FMN1: variants seen among roughly 807,000 people sequenced by gnomAD.
FMN1 encodes the protein formin-1.
A neutral mutation model predicts 132.4 loss-of-function variants in FMN1; 110 were observed. The observed-to-expected ratio is 0.83, with a 90% CI of 0.71 to 0.97. The LOEUF is 0.97. Among genes scored for constraint, FMN1 ranks in the 50% least tolerant of loss-of-function variants. The pLI is 0.00. For synonymous variants in FMN1, 722 were observed against 651.7 expected (o/e 1.11, Z -1.64); for missense variants, 1,792 against 1,705.3 (o/e 1.05, Z -0.90).
At chr15:33,014,541 G>A (rs10519772) in intron 6 of FMN1, among the ~76,000 whole-genome samples, 46,491 of 151,844 alleles carry the variant, frequency 0.31, 7,182 homozygotes, top group Non-Finnish European at 0.34. Flanking sequence ...TATTCCACAA[G>A]AAACAAGTCT....
intron 13 of FMN1, among the ~76,000 whole-genome samples, chr15:32,900,612 G>A (rs527974837): frequency 2.0e-5 from 3 of 152,182 alleles, no homozygotes; most frequent in Non-Finnish European, 2.9e-5. Flanking sequence ...ATAATTTTCA[G>A]AGCTAAACTA....
intron 16 of FMN1, among the ~76,000 whole-genome samples, chr15:32,866,223 A>G (rs2059389447): frequency 1.6e-5 from 2 of 126,734 alleles, no homozygotes; most frequent in African/African-American, 7.6e-5. Context: ...AACTTAAAGT[A>G]TAATAAAAAA....
intron 17 of FMN1, among the ~76,000 whole-genome samples, chr15:32,840,392 A>G (rs555685675): frequency 3.9e-5 from 6 of 152,090 alleles, no homozygotes; most frequent in Non-Finnish European, 7.4e-5. Flanking sequence ...ACGCAGCTCT[A>G]TTTTTCCCTT....
At chr15:32,831,967 GT>G (rs2058513985) in intron 17 of FMN1, among the ~76,000 whole-genome samples, 1 of 152,100 alleles carries the variant, frequency 6.6e-6, no homozygotes, top group Non-Finnish European at 1.5e-5. Flanking sequence ...GTGAACTTTT[GT>G]AACTCTTTAA....
At chr15:32,815,006 G>A (rs927123153) in intron 17 of FMN1, among the ~76,000 whole-genome samples, 1 of 152,014 alleles carries the variant, frequency 6.6e-6, no homozygotes, top group African/African-American at 2.4e-5. Flanking sequence ...GCAGTGGTGC[G>A]ATCTCGGCTC....
chr15:33,078,707 A>G (rs959730628), intron 5 of FMN1, among the ~76,000 whole-genome samples: 4 of 152,134 alleles, frequency 2.6e-5, no homozygotes, highest in Non-Finnish European at 4.4e-5. Context: ...GAGTGTTCAC[A>G]AACAGTCAGT....
At chr15:33,072,922 C>CAAA (rs200705106) in intron 5 of FMN1, among the ~76,000 whole-genome samples, 1 of 87,134 alleles carries the variant, frequency 1.1e-5, no homozygotes. Flanking sequence ...GACTCCATCT[C>CAAA]AAAAAAAAAA....
chr15:33,029,856 T>C (rs999671071), intron 6 of FMN1, among the ~76,000 whole-genome samples: 1 of 152,084 alleles, frequency 6.6e-6, no homozygotes. Context: ...AACAGGAATG[T>C]TATAATTTAT....
intron 15 of FMN1, among the ~76,000 whole-genome samples, chr15:32,897,733 G>C (rs1033243097): frequency 2.0e-5 from 3 of 152,224 alleles, no homozygotes; most frequent in South Asian, 4.1e-4. Context: ...GGATGGCTTA[G>C]AGTGGTAGAA....
At chr15:32,926,041 G>T in intron 10 of FMN1, 133 bp downstream of exon 10, 1 of 563,850 alleles carries the variant, frequency 1.8e-6, no homozygotes, top group Non-Finnish European at 3.1e-6. Flanking sequence ...GTGAGTTGAT[G>T]GTTCTGTAGC....
chr15:32,970,369 T>C (rs74012409), intron 7 of FMN1, among the ~76,000 whole-genome samples: 3,388 of 152,326 alleles, frequency 0.022, 119 homozygotes, highest in African/African-American at 0.073. Context: ...AAATATTTTT[T>C]GTCAATTTAT....
chr15:33,017,978 T>C (rs1440473214), intron 6 of FMN1, among the ~76,000 whole-genome samples: 2 of 150,454 alleles, frequency 1.3e-5, no homozygotes, highest in Non-Finnish European at 2.9e-5. Flanking sequence ...GGTAGGAGAA[T>C]CACTTGAACC....
chr15:32,988,257 C>T (rs1566795893), intron 7 of FMN1, among the ~76,000 whole-genome samples: 1 of 151,924 alleles, frequency 6.6e-6, no homozygotes, highest in Admixed American at 6.6e-5. Flanking sequence ...ACCCTCAATA[C>T]AATTCTTAAC....
chr15:32,835,999 A>G lies in FMN1; in HGVS notation c.3928+21016T>C, dbSNP rs935886575. Among the ~76,000 whole-genome samples the G allele has an allele frequency of 3.1e-4, 47 of 151,922 alleles. 1 individual carries two copies. Among genetic ancestry groups the G allele is most frequent in the Non-Finnish European group, 1.0e-4 (7 of 67,966 alleles). ...CCTCAGCCTCTCTGTACCTGGGACT[A>G]CAGATGCATGCTATCATGGCCCAGC... is the stretch of plus-strand genomic sequence containing the variant. On this transcript the variant is annotated intron_variant, in intron 17 of 20. Coordinates refer to ENST00000616417, the MANE Select transcript of FMN1 (RefSeq NM_001277313.2).
At chr15:33,186,795 A>G (rs946852724) in intron 2 of FMN1, among the ~76,000 whole-genome samples, 3 of 152,270 alleles carry the variant, frequency 2.0e-5, no homozygotes, top group Admixed American at 6.5e-5. Flanking sequence ...GAGAAAGAGT[A>G]GAAAGGCCAA....
In FMN1 at chr15:32,898,851, G is replaced by A. The variant is rs761915422; in HGVS notation, c.3697C>T (p.Leu1233=). The A allele has an allele frequency of 1.2e-5, 20 of 1,600,936 alleles. No individual in the cohort carries two copies. Among genetic ancestry groups the A allele is most frequent in the East Asian group, 4.5e-5 (2 of 44,746 alleles). ...TTTCTTACCTGATCATAGTAACGCA[G>A]GTAATACTTAACAACGTAGTCCACC... ...NLVDYVVKYY[L]RYYDQEAGTE... Residue 1233 remains leucine (L), a synonymous_variant, in exon 15 of 21, where the codon CTG becomes TTG. Transcript: ENST00000616417.
chr15:33,065,277 T>A (rs2037671406), intron 5 of FMN1, among the ~76,000 whole-genome samples: 1 of 152,036 alleles, frequency 6.6e-6, no homozygotes, highest in African/African-American at 2.4e-5. Flanking sequence ...AATTTAAAAC[T>A]ACAACAACAA....
chr15:33,118,653 CATATTAA>C (rs1039514694), intron 4 of FMN1, among the ~76,000 whole-genome samples: 18 of 152,110 alleles, frequency 1.2e-4, no homozygotes, highest in African/African-American at 3.4e-4. Flanking sequence ...TAATAATGCT[CATATTAA>C]ATATTAAATA....
In FMN1 at chr15:32,765,883, T is replaced by C. The variant is rs2056030077; in HGVS notation, c.*8427A>G. On this transcript the variant is annotated 3_prime_UTR_variant, in exon 21 of 21. Coordinates refer to ENST00000616417, the MANE Select transcript of FMN1 (RefSeq NM_001277313.2). ...CTCTTTTTAAAAATAAATACTTCATTTGGTTGCAAATGACATTTATAAATT... is the reference window on the plus strand; with the variant it reads ...CTCTTTTTAAAAATAAATACTTCATCTGGTTGCAAATGACATTTATAAATT... The C allele has an allele frequency of 6.6e-6, 1 of 152,180 alleles. No homozygotes were observed. The highest frequency in any genetic ancestry group is 6.6e-5 in the Admixed American group (1 of 15,262). 9.4% of individuals were successfully genotyped at this position (152,180 alleles called of 1,614,324 possible).
Sources: gnomAD v4.1 joint callset for allele counts (sites outside exome capture counted in the v4.1 genomes callset) on GRCh38, gnomAD v4.1.1 for gene constraint, MANE v1.5 for transcripts, NCBI Gene and HGNC (gene_info 2026-07-23, HGNC 2026-07-21) for gene names.